The following POFUT2 variants were observed in gnomAD, a reference collection of about 807,000 sequenced individuals.
POFUT2 encodes the protein GDP-fucose protein O-fucosyltransferase 2.
A neutral mutation model predicts 55.0 loss-of-function variants in POFUT2; 30 were observed. The observed-to-expected ratio is 0.55, with a 90% CI of 0.41 to 0.74. The LOEUF is 0.74. Ranked by LOEUF, POFUT2 falls within the 30% of genes least tolerant of loss-of-function variation. The pLI is 0.00. For synonymous variants in POFUT2, 267 were observed against 231.1 expected (o/e 1.16, Z -1.41); for missense variants, 524 against 562.6 (o/e 0.93, Z 0.69).
At position 45,285,694 on chromosome 21, in the gene POFUT2, A is replaced by G. The variant is rs950964981; in HGVS notation, c.366T>C (p.Tyr122=). ...SLNKNIPVIE[Y]EQFIAESGGP... is the part of the protein sequence containing the mutation. ...CGGCCTCACCTGCGATGAACTGCTCATACTCGATGACGGGGATGTTTTTAT... is the reference window on the plus strand; with the variant it reads ...CGGCCTCACCTGCGATGAACTGCTCGTACTCGATGACGGGGATGTTTTTAT... The change falls in exon 2 of 9, where the codon TAT becomes TAC. Residue 122 remains tyrosine (Y), a synonymous_variant. Coordinates refer to ENST00000349485, the MANE Select transcript of POFUT2 (RefSeq NM_133635.6). This position sits in a 1 kb window ranked among gnomAD's most constrained non-coding sequence, Gnocchi z 4.9. The G allele has an allele frequency of 5.0e-6, 8 of 1,613,672 alleles. No individual in the cohort carries two copies. Among genetic ancestry groups the G allele is most frequent in the Non-Finnish European group, 6.8e-6 (8 of 1,180,016 alleles).
At chr21:45,266,506 C>G in intron 8 of POFUT2, 2 of 1,093,358 alleles carry the variant, frequency 1.8e-6, no homozygotes, top group Non-Finnish European at 2.3e-6. Context: ...CAGCAGGCTT[C>G]CTGGGCTGCG....
Position 45,265,395 on chromosome 21 carries a change from G to T in POFUT2, c.*87C>A. ...GACGGTCCTGTCCGCCCAGCTCCCG[G>T]CTGGCAGTAGACGGTGACTCCACGG... On this transcript the variant is annotated 3_prime_UTR_variant, in exon 9 of 9. Coordinates refer to ENST00000349485, the MANE Select transcript of POFUT2 (RefSeq NM_133635.6). The surrounding 1 kb of genome is among the most constrained non-coding windows in gnomAD (Gnocchi z 4.6). 2.4e-6 allele frequency: 3 copies of T among 1,260,544 alleles called. No individual in the cohort carries two copies. Among genetic ancestry groups the T allele is most frequent in the Non-Finnish European group, 3.3e-6 (3 of 898,688 alleles). 78.1% of individuals were successfully genotyped at this position (1,260,544 alleles called of 1,614,324 possible).
chr21:45,279,235 C>CA (rs889892909), intron 4 of POFUT2, among the ~76,000 whole-genome samples: 2 of 151,984 alleles, frequency 1.3e-5, no homozygotes, highest in South Asian at 2.1e-4. Context: ...ACTAAAAATA[C>CA]AAAAAAATTA....
At position 45,264,568 on chromosome 21, in the gene POFUT2, T is replaced by A. The variant is rs2093137102; in HGVS notation, c.*914A>T. ...CAGCCTTTTGGAGTTAGCGTAACTGTCCTTCCTCATTTCTAGTTCTCAATA... is the reference window on the plus strand; with the variant it reads ...CAGCCTTTTGGAGTTAGCGTAACTGACCTTCCTCATTTCTAGTTCTCAATA... On this transcript the variant is annotated 3_prime_UTR_variant, in exon 9 of 9. Coordinates refer to ENST00000349485, the MANE Select transcript of POFUT2 (RefSeq NM_133635.6). The A allele has an allele frequency of 6.6e-6, 1 of 152,252 alleles. No homozygotes were observed. Among genetic ancestry groups the A allele is most frequent in the South Asian group, 2.1e-4 (1 of 4,834 alleles). The allele number at this position is 152,252 out of a possible 1,614,324, so 9.4% of individuals were successfully genotyped here. A position where few individuals can be genotyped will look rare whatever the true frequency, so the allele number is the denominator to read the frequency against.
In POFUT2 at chr21:45,285,399, C is replaced by T. The variant is rs2031275490; in HGVS notation, c.382+279G>A. The T allele has an allele frequency of 2.3e-6, 1 of 442,970 alleles. No homozygotes were observed. The allele number at this position is 442,970 out of a possible 1,614,324, so 27.4% of individuals were successfully genotyped here. The stretch of plus-strand genomic sequence containing the variant: ...TATAACACCCAGGGGTGGCCGCTTT[C>T]TTAGGGTGTAAGGGCGGCTCTAACT... On this transcript the variant is annotated intron_variant, in intron 2 of 8. Transcript: ENST00000349485. This position sits in a 1 kb window ranked among gnomAD's most constrained non-coding sequence, Gnocchi z 4.9.
At chr21:45,272,999 G>A (rs937884482) in intron 6 of POFUT2, among the ~76,000 whole-genome samples, 1 of 151,880 alleles carries the variant, frequency 6.6e-6, no homozygotes, top group African/African-American at 2.4e-5. Flanking sequence ...AGAGAAACAA[G>A]GACAAACCCA....
intron 6 of POFUT2, among the ~76,000 whole-genome samples, chr21:45,273,902 AGC>A (rs1473209158): frequency 6.6e-6 from 1 of 152,216 alleles, no homozygotes; most frequent in African/African-American, 2.4e-5. Flanking sequence ...TGAGAACTGG[AGC>A]AAGACAAGGA....
chr21:45,276,894 G>T (rs905623019), intron 6 of POFUT2, 123 bp downstream of exon 6: 3 of 1,059,648 alleles, frequency 2.8e-6, no homozygotes, highest in Non-Finnish European at 4.2e-6. Context: ...CCAGAGAGGC[G>T]CCGAGGCATC....
chr21:45,280,458 C>T (rs1021453153), intron 4 of POFUT2, among the ~76,000 whole-genome samples: 3 of 152,166 alleles, frequency 2.0e-5, no homozygotes, highest in Admixed American at 1.3e-4. Context: ...CAGGGGTCTG[C>T]GGGTGCATGT....
chr21:45,275,511 A>C (rs747674636), intron 6 of POFUT2, among the ~76,000 whole-genome samples: 6 of 152,266 alleles, frequency 3.9e-5, no homozygotes, highest in Non-Finnish European at 8.8e-5. Context: ...AAAAACATGG[A>C]ACCGGCCTGA....
chr21:45,279,234 A>C (rs1240060729), intron 4 of POFUT2, among the ~76,000 whole-genome samples: 2 of 152,136 alleles, frequency 1.3e-5, no homozygotes, highest in Non-Finnish European at 2.9e-5. Flanking sequence ...TACTAAAAAT[A>C]CAAAAAAATT....
chr21:45,283,231 G>C, intron 3 of POFUT2, 152 bp downstream of exon 3: 1 of 443,552 alleles, frequency 2.3e-6, no homozygotes, highest in South Asian at 2.1e-5. Flanking sequence ...ACACCGTGGC[G>C]GGGGGAGGCG....
At position 45,285,007 on chromosome 21, in the gene POFUT2, G is replaced by A. The variant is rs997279365; in HGVS notation, c.382+671C>T. ...TGATGACACGGGAGCCACACTCCTT[G>A]GCAGGGAGCAAAGGTCTCTAAGCCC... On this transcript the variant is annotated intron_variant, in intron 2 of 8. Coordinates refer to ENST00000349485, the MANE Select transcript of POFUT2 (RefSeq NM_133635.6). This position sits in a 1 kb window ranked among gnomAD's most constrained non-coding sequence, Gnocchi z 4.9. Among the ~76,000 whole-genome samples, 3 of 152,136 alleles carry A rather than the reference G, an allele frequency of 2.0e-5. No individual in the cohort carries two copies. Among genetic ancestry groups the A allele is most frequent in the Non-Finnish European group, 4.4e-5 (3 of 68,024 alleles).
chr21:45,273,948 C>T (rs777883095), intron 6 of POFUT2, among the ~76,000 whole-genome samples: 1 of 152,116 alleles, frequency 6.6e-6, no homozygotes, highest in East Asian at 1.9e-4. Flanking sequence ...CAACATAGTA[C>T]TAGAAGTCCT....
chr21:45,276,247 A>G (rs973168294), intron 6 of POFUT2, among the ~76,000 whole-genome samples: 1 of 70,528 alleles, frequency 1.4e-5, no homozygotes, highest in South Asian at 6.5e-4. Flanking sequence ...AAAAAGAATA[A>G]AAAAAAAACA....
At position 45,282,621 on chromosome 21, in the gene POFUT2, AT is replaced by A. The variant is rs1367728575; in HGVS notation, c.528-163del. On this transcript the variant is annotated intron_variant, in intron 3 of 8. Coordinates refer to ENST00000349485, the MANE Select transcript of POFUT2 (RefSeq NM_133635.6). This position sits in a 1 kb window ranked among gnomAD's most constrained non-coding sequence, Gnocchi z 4.6. ...CTGCAGATCGTGACATTCTAGTAAA[AT>A]TTTAAAAGAAGCCCATGAGTGTCTC... Among the ~76,000 whole-genome samples the A allele has an allele frequency of 6.6e-6, 1 of 152,208 alleles. No homozygotes were observed. The highest frequency in any genetic ancestry group is 1.5e-5 in the Non-Finnish European group (1 of 68,038).
chr21:45,280,069 C>T (rs1025724681), intron 4 of POFUT2, among the ~76,000 whole-genome samples: 6 of 152,138 alleles, frequency 3.9e-5, no homozygotes, highest in Admixed American at 2.0e-4. Context: ...TCCACACGGG[C>T]GCGGGTAGAG....
rs2031202755 is a variant in POFUT2, at chr21:45,284,922, A to G, written c.382+756T>C. ...TAGCACTCACAAGACTGACCTTGAC[A>G]CAGAAAACATTTCAGAGTGACAAGA... On this transcript the variant is annotated intron_variant, in intron 2 of 8. Transcript: ENST00000349485. The surrounding 1 kb of genome is among the most constrained non-coding windows in gnomAD (Gnocchi z 5.8). 6.6e-6 allele frequency among the ~76,000 whole-genome samples: 1 copy of G among 152,184 alleles called. No individual in the cohort carries two copies. Among genetic ancestry groups the G allele is most frequent in the African/African-American group, 2.4e-5 (1 of 41,452 alleles).
At chr21:45,275,066 A>C (rs1311994203) in intron 6 of POFUT2, among the ~76,000 whole-genome samples, 1 of 152,228 alleles carries the variant, frequency 6.6e-6, no homozygotes, top group Non-Finnish European at 1.5e-5. Context: ...CAAGGAAATG[A>C]AACAGATCAG....
Sources: allele counts gnomAD v4.1 joint callset (sites outside exome capture counted in the v4.1 genomes callset), GRCh38; gene constraint gnomAD v4.1.1; non-coding constraint Gnocchi (gnomAD v3.1); transcripts MANE v1.5; gene names NCBI Gene and HGNC (gene_info 2026-07-23, HGNC 2026-07-21).